Variants in CCDC47 observed in about 807,000 individuals in gnomAD.
The protein encoded by CCDC47 is coiled-coil domain containing 47, also known as PAT complex subunit CCDC47.
In CCDC47, 41 loss-of-function variants were observed where a neutral mutation model predicts 60.5. That is an observed-to-expected ratio of 0.68 (90% CI 0.53 to 0.88). The LOEUF is 0.88. Among genes scored for constraint, CCDC47 ranks in the 40% least tolerant of loss-of-function variants. The probability of loss-of-function intolerance (pLI) is 0.00; values close to 1 mark genes in which losing one functional copy is unlikely to be tolerated. For missense variants in CCDC47, 513 were observed against 580.9 expected, an observed-to-expected ratio of 0.88 and a Z score of 1.20; for synonymous variants, 195 against 190.7, an observed-to-expected ratio of 1.02 and a Z score of -0.18.
Position 63,754,534 on chromosome 17 carries a change from T to C in CCDC47, c.949-16A>G, listed in dbSNP as rs754567383. 12 of 1,532,718 alleles carry C rather than the reference T, an allele frequency of 7.8e-6. No homozygotes were observed. Among genetic ancestry groups the C allele is most frequent in the South Asian group, 1.2e-5 (1 of 84,984 alleles). The allele number at this position is 1,532,718 out of a possible 1,614,324, so 94.9% of individuals were successfully genotyped here. Reference sequence around the variant, plus strand: ...AGTGAACCATCTGAAAAAAAGAAAATAATATTTTTTAAAAGCAAGGTTTAA... The same window carrying C: ...AGTGAACCATCTGAAAAAAAGAAAACAATATTTTTTAAAAGCAAGGTTTAA... On this transcript the variant is annotated splice_polypyrimidine_tract_variant and intron_variant, in intron 8 of 12. Transcript: ENST00000225726.
At chr17:63,765,131 C>CACAT (rs1172191656) in intron 2 of CCDC47, 3 of 164,920 alleles carry the variant, frequency 1.8e-5, no homozygotes, top group African/African-American at 7.3e-5. Context: ...CACACACACA[C>CACAT]ACACACACAC....
Position 63,770,985 on chromosome 17 carries a change from C to CAAAAA in CCDC47, c.-20+2422_-20+2426dup, listed in dbSNP as rs760648451. Among the ~76,000 whole-genome samples, 65 of 49,108 alleles carry CAAAAA rather than the reference C, an allele frequency of 1.3e-3. 1 individual carries two copies. The highest frequency in any genetic ancestry group is 2.0e-3 in the Admixed American group (9 of 4,446). 32.2% of individuals were successfully genotyped at this position (49,108 alleles called of 152,430 possible). The stretch of plus-strand genomic sequence containing the variant: ...CCTGGGTGACAGAGCGAGACTGTGT[C>CAAAAA]AAAAAAAAAAAAAAGAAAGAAAGAA... On this transcript the variant is annotated intron_variant, in intron 1 of 12. Transcript: ENST00000225726.
At chr17:63,772,614 C>T (rs372676846) in intron 1 of CCDC47, among the ~76,000 whole-genome samples, 5 of 152,076 alleles carry the variant, frequency 3.3e-5, no homozygotes, top group South Asian at 2.1e-4. Flanking sequence ...AAGTTAACAC[C>T]GGAACAGTCA....
At chr17:63,765,000 C>T (rs1008349471) in intron 2 of CCDC47, 153 bp from the exon 3 acceptor site, 1 of 984,484 alleles carries the variant, frequency 1.0e-6, no homozygotes, top group African/African-American at 1.7e-5. Context: ...CGATTGGGTA[C>T]AAATTTCAGC....
intron 12 of CCDC47, among the ~76,000 whole-genome samples, chr17:63,750,191 A>G (rs1447580706): frequency 6.6e-6 from 1 of 152,212 alleles, no homozygotes; most frequent in Non-Finnish European, 1.5e-5. Context: ...TATAGTTTCA[A>G]ACCTTAGAAA....
intron 12 of CCDC47, chr17:63,747,361 A>C (rs1410650588): frequency 1.0e-6 from 1 of 984,064 alleles, no homozygotes; most frequent in Non-Finnish European, 1.2e-6. Context: ...CAGTTCAATA[A>C]ATTTTAAGAA....
chr17:63,764,295 A>T, intron 3 of CCDC47, 105 bp from the exon 4 acceptor site: 1 of 819,438 alleles, frequency 1.2e-6, no homozygotes, highest in Non-Finnish European at 1.9e-6. Flanking sequence ...GGGATACTTC[A>T]GATATCTGTC....
intron 12 of CCDC47, chr17:63,747,866 T>C (rs1229104206): frequency 1.1e-6 from 1 of 874,690 alleles, no homozygotes; most frequent in Non-Finnish European, 1.4e-6. Context: ...TTTCTTTATT[T>C]TTTTTTGAGA....
chr17:63,764,869 C>A, intron 2 of CCDC47, 22 bp from the exon 3 acceptor site: 1 of 1,602,936 alleles, frequency 6.2e-7, no homozygotes, highest in Non-Finnish European at 8.5e-7. Context: ...AGGCATCATC[C>A]GTTTTCCTCT....
chr17:63,759,464 G>C (rs1474298613), intron 6 of CCDC47, among the ~76,000 whole-genome samples: 1 of 124,254 alleles, frequency 8.0e-6, no homozygotes, highest in East Asian at 2.5e-4. Context: ...ACTCCAGCCT[G>C]GGTGATAGAG....
chr17:63,760,777 T>A, intron 6 of CCDC47, 137 bp downstream of exon 6: 2 of 587,420 alleles, frequency 3.4e-6, no homozygotes, highest in Non-Finnish European at 6.0e-6. Flanking sequence ...AGGCAGAGGT[T>A]GCAGTGAGCC....
intron 12 of CCDC47, among the ~76,000 whole-genome samples, chr17:63,751,373 A>G (rs1255494673): frequency 2.3e-5 from 2 of 88,154 alleles, no homozygotes; most frequent in Non-Finnish European, 4.9e-5. Flanking sequence ...CTCAAAAAAA[A>G]AAAAAAAAAA....
At chr17:63,771,328 T>C (rs1402916884) in intron 1 of CCDC47, among the ~76,000 whole-genome samples, 1 of 152,158 alleles carries the variant, frequency 6.6e-6, no homozygotes, top group East Asian at 1.9e-4. Flanking sequence ...GGTGCATAGG[T>C]TATACGTAAA....
intron 1 of CCDC47, among the ~76,000 whole-genome samples, chr17:63,771,018 AAGGAAGGAAGG>A (rs2039335479): frequency 1.6e-5 from 1 of 61,036 alleles, no homozygotes; most frequent in Non-Finnish European, 4.3e-5. Flanking sequence ...GAAAGAAAGG[AAGGAAGGAAGG>A]AAGGAAGGAA....
chr17:63,755,818 T>C (rs1306778543), intron 8 of CCDC47, among the ~76,000 whole-genome samples: 3 of 150,256 alleles, frequency 2.0e-5, no homozygotes, highest in Non-Finnish European at 4.4e-5. Flanking sequence ...CACACATGAA[T>C]AGCCACTGCA....
intron 1 of CCDC47, among the ~76,000 whole-genome samples, chr17:63,772,026 G>A (rs2039346215): frequency 6.6e-6 from 1 of 151,998 alleles, no homozygotes; most frequent in Admixed American, 6.6e-5. Context: ...AGGTTGTAGT[G>A]AGCCAAGATT....
At chr17:63,751,235 G>A (rs893782204) in intron 12 of CCDC47, among the ~76,000 whole-genome samples, 3 of 150,736 alleles carry the variant, frequency 2.0e-5, no homozygotes, top group Non-Finnish European at 4.4e-5. Flanking sequence ...GCTGAGTGGC[G>A]CACACCTGTA....
chr17:63,759,670 CAT>C (rs1159438263), intron 6 of CCDC47, among the ~76,000 whole-genome samples: 17 of 148,640 alleles, frequency 1.1e-4, no homozygotes, highest in African/African-American at 3.9e-4. Context: ...CACACTTTCA[CAT>C]ATATACATAT....
chr17:63,771,324 T>C (rs990375093), intron 1 of CCDC47, among the ~76,000 whole-genome samples: 10 of 152,140 alleles, frequency 6.6e-5, no homozygotes, highest in African/African-American at 2.4e-4. Context: ...AGGAGGTGCA[T>C]AGGTTATACG....
Sources: allele counts gnomAD v4.1 joint callset (sites outside exome capture counted in the v4.1 genomes callset), GRCh38; gene constraint gnomAD v4.1.1; transcripts MANE v1.5; gene names NCBI Gene and HGNC (gene_info 2026-07-23, HGNC 2026-07-21).